Variants in TJP1 observed in about 807,000 individuals in gnomAD.
The protein encoded by TJP1 is tight junction protein ZO-1.
In TJP1, 43 loss-of-function variants were observed where a neutral mutation model predicts 194.2. That is an observed-to-expected ratio of 0.22 (90% CI 0.17 to 0.29). TJP1 has a LOEUF of 0.29. Ranked by LOEUF, TJP1 falls within the 10% of genes least tolerant of loss-of-function variation. The pLI, the probability that TJP1 is intolerant of heterozygous loss-of-function variation, is 1.00. For missense variants in TJP1, 1,971 were observed against 2,185.7 expected (o/e 0.90, Z 1.96); for synonymous variants, 801 against 779.0 (o/e 1.03, Z -0.47).
intron 2 of TJP1, among the ~76,000 whole-genome samples, chr15:29,855,163 A>C (rs1464607462): frequency 6.6e-6 from 1 of 152,094 alleles, no homozygotes; most frequent in Admixed American, 6.6e-5. Flanking sequence ...CCTTGCATGG[A>C]CCTATATGAA....
intron 2 of TJP1, among the ~76,000 whole-genome samples, chr15:29,875,875 A>G (rs2052680729): frequency 6.6e-6 from 1 of 152,130 alleles, no homozygotes; most frequent in East Asian, 1.9e-4. Context: ...GTTCTCCTCA[A>G]TATTAGGAGG....
At chr15:29,941,427 T>C (rs903332186) in intron 2 of TJP1, among the ~76,000 whole-genome samples, 1 of 152,100 alleles carries the variant, frequency 6.6e-6, no homozygotes, top group Non-Finnish European at 1.5e-5. Context: ...CACCCTCCAG[T>C]AGAACAGATA....
rs908615443 is a variant in TJP1 at position 29,934,807 on chromosome 15, G to C, written c.306+21425C>G. On this transcript the variant is annotated intron_variant, in intron 2 of 28. Coordinates refer to the TJP1 transcript ENST00000356107. ...CTTATATTAGAGACAAAAGCCATTA[G>C]CTTTGCTATGAGTAGTGTGAAGGGT... Among the ~76,000 whole-genome samples the C allele has an allele frequency of 1.1e-4, 17 of 152,322 alleles. No individual in the cohort carries two copies. The East Asian group carries it at 2.9e-3, about 26-fold the overall frequency.
At position 29,728,116 on chromosome 15, in the gene TJP1, T is replaced by G; in HGVS notation, c.2018-97A>C. 6 of 961,628 alleles carry G rather than the reference T, an allele frequency of 6.2e-6. No homozygotes were observed. In the South Asian group the frequency reaches 8.4e-5, roughly 13 times the overall value. The allele number at this position is 961,628 out of a possible 1,614,324, so 59.6% of individuals were successfully genotyped here. A position where few individuals can be genotyped will look rare whatever the true frequency, so the allele number is the denominator to read the frequency against. ...GCCACAACTGATATGCCGGACTGGA[T>G]AGTACTTTGTTTGTGGAAACTGTCT... On this transcript the variant is annotated intron_variant, in intron 15 of 27. Coordinates refer to ENST00000614355, the MANE Select transcript of TJP1 (RefSeq NM_001330239.4).
chr15:29,821,521 G>T (rs575384189), intron 1 of TJP1: 1 of 152,306 alleles, frequency 6.6e-6, no homozygotes, highest in South Asian at 2.1e-4. Context: ...TGCGCATACC[G>T]CAGGGAGTGA....
intron 15 of TJP1, chr15:29,732,086 C>T (rs2043701232): frequency 4.9e-6 from 1 of 204,730 alleles, no homozygotes; most frequent in Non-Finnish European, 9.9e-6. Flanking sequence ...ACTGAAGAAA[C>T]TGGAAAGGAT....
intron 8 of TJP1, among the ~76,000 whole-genome samples, chr15:29,755,194 G>C (rs1315764754): frequency 1.3e-5 from 2 of 152,144 alleles, no homozygotes; most frequent in African/African-American, 4.8e-5. Context: ...TAGCCTAGGA[G>C]CAATAGGCTA....
intron 2 of TJP1, among the ~76,000 whole-genome samples, chr15:29,778,795 C>T (rs554441954): frequency 2.6e-5 from 4 of 152,126 alleles, no homozygotes; most frequent in Non-Finnish European, 4.4e-5. Flanking sequence ...TCTTTCAAAA[C>T]CCAGGTTCCA....
rs11464931 is a variant in TJP1, at chr15:29,700,721, CA to C, written c.*873del. Reference sequence around the variant, plus strand: ...ACAGAAAACCACCACTGCCCCTTGTCAAAAAAAAAAAAAAAGAAAAGAAAAG... The same window carrying C: ...ACAGAAAACCACCACTGCCCCTTGTCAAAAAAAAAAAAAAGAAAAGAAAAG... On this transcript the variant is annotated 3_prime_UTR_variant, in exon 28 of 28. Transcript: ENST00000614355. 0.015 allele frequency: 2,165 copies of C among 142,124 alleles called. No homozygotes were observed. The highest frequency in any genetic ancestry group is 0.038 in the Middle Eastern group (12 of 318). 8.8% of individuals were successfully genotyped at this position (142,124 alleles called of 1,614,324 possible).
At chr15:29,919,515 G>A (rs561996008) in intron 2 of TJP1, among the ~76,000 whole-genome samples, 1 of 152,250 alleles carries the variant, frequency 6.6e-6, no homozygotes, top group East Asian at 1.9e-4. Context: ...GGAGAGGGAC[G>A]ATAAACAAAT....
At chr15:29,784,821 A>G (rs995189465) in intron 2 of TJP1, among the ~76,000 whole-genome samples, 2 of 152,220 alleles carry the variant, frequency 1.3e-5, no homozygotes, top group South Asian at 4.1e-4. Flanking sequence ...AACGAGGATT[A>G]AAGGGTTAAA....
intron 18 of TJP1, among the ~76,000 whole-genome samples, chr15:29,725,380 C>T (rs890767825): frequency 1.3e-5 from 2 of 152,082 alleles, no homozygotes; most frequent in African/African-American, 4.8e-5. Flanking sequence ...ATGGGGGGTC[C>T]TAAGCATGCA....
chr15:29,863,355 G>T (rs2052170147), intron 2 of TJP1, among the ~76,000 whole-genome samples: 1 of 152,114 alleles, frequency 6.6e-6, no homozygotes, highest in Non-Finnish European at 1.5e-5. Context: ...TTTGCAGGAG[G>T]TAGAGGCTGG....
chr15:29,780,718 C>T (rs1022625122), intron 2 of TJP1, among the ~76,000 whole-genome samples: 2 of 151,886 alleles, frequency 1.3e-5, no homozygotes, highest in African/African-American at 4.8e-5. Flanking sequence ...AGATACAAGA[C>T]ATGAAAGAAT....
intron 2 of TJP1, among the ~76,000 whole-genome samples, chr15:29,926,892 A>G (rs558528255): frequency 1.3e-5 from 2 of 152,222 alleles, no homozygotes; most frequent in Non-Finnish European, 2.9e-5. Context: ...AGATAAAAAG[A>G]AAAACTCTTG....
chr15:29,823,603 G>A (rs2050559152), upstream of TJP1: 2 of 152,178 alleles, frequency 1.3e-5, no homozygotes, highest in South Asian at 4.1e-4. Context: ...ATGTGTAGGT[G>A]ATACATAAGT....
intron 2 of TJP1, among the ~76,000 whole-genome samples, chr15:29,931,373 C>T (rs893031082): frequency 1.3e-5 from 2 of 152,058 alleles, no homozygotes; most frequent in African/African-American, 4.8e-5. Flanking sequence ...AACTGTAAGT[C>T]ATGTACAACA....
chr15:29,824,557 C>T (rs1160056482), upstream of TJP1, among the ~76,000 whole-genome samples: 1 of 151,278 alleles, frequency 6.6e-6, no homozygotes, highest in East Asian at 1.9e-4. Context: ...AACAGTGAGA[C>T]CCCATTAAAA....
intron 26 of TJP1, 30 bp from the exon 27 acceptor site, chr15:29,704,335 G>C (rs767548547): frequency 6.4e-7 from 1 of 1,557,430 alleles, no homozygotes; most frequent in Non-Finnish European, 8.7e-7. Flanking sequence ...TAGGCAGAGA[G>C]GATGGATGTG....
Sources: gnomAD v4.1 joint callset for allele counts (sites outside exome capture counted in the v4.1 genomes callset) on GRCh38, gnomAD v4.1.1 for gene constraint, MANE v1.5 for transcripts, NCBI Gene and HGNC (gene_info 2026-07-23, HGNC 2026-07-21) for gene names.